Variants in CTNNA2 observed in about 807,000 individuals in gnomAD.
The protein encoded by CTNNA2 is catenin alpha-2.
In CTNNA2, 42 loss-of-function variants were observed where a neutral mutation model predicts 101.0. The ratio of observed to expected loss-of-function variants is 0.42; its 90% CI spans 0.32 to 0.54. The LOEUF (loss-of-function observed/expected upper bound fraction) is 0.54. Ranked by LOEUF, CTNNA2 falls within the 20% of genes least tolerant of loss-of-function variation. The pLI, the probability that CTNNA2 is intolerant of heterozygous loss-of-function variation, is 0.14. For missense variants in CTNNA2, 871 were observed against 1,223.1 expected, an observed-to-expected ratio of 0.71 and a Z score of 4.29; for synonymous variants, 450 against 456.4, an observed-to-expected ratio of 0.99 and a Z score of 0.18.
intron 3 of CTNNA2, among the ~76,000 whole-genome samples, chr2:79,745,396 A>T (rs1671573648): frequency 6.6e-6 from 1 of 151,914 alleles, no homozygotes; most frequent in Non-Finnish European, 1.5e-5. Flanking sequence ...GCGCCGCTGC[A>T]CTCCAGCCTG....
intron 7 of CTNNA2, among the ~76,000 whole-genome samples, chr2:80,146,501 T>C (rs757262885): frequency 6.6e-6 from 1 of 152,040 alleles, no homozygotes; most frequent in Non-Finnish European, 1.5e-5. Flanking sequence ...TCCATCCATT[T>C]TTTTCTCTAT....
chr2:80,564,958 G>A (rs1693924241), intron 12 of CTNNA2, among the ~76,000 whole-genome samples: 1 of 152,110 alleles, frequency 6.6e-6, no homozygotes, highest in African/African-American at 2.4e-5. Context: ...AGTATGTAAG[G>A]TTTATTTCTA....
Position 80,545,075 on chromosome 2 carries a change from G to A in CTNNA2, c.1383+1G>A. The A allele has an allele frequency of 6.2e-7, 1 of 1,613,710 alleles. No individual in the cohort carries two copies. The highest frequency in any genetic ancestry group is 2.2e-5 in the East Asian group (1 of 44,850). On this transcript the variant is annotated splice_donor_variant, in intron 10 of 18. Coordinates refer to ENST00000402739, the MANE Select transcript of CTNNA2 (RefSeq NM_001282597.3). LOFTEE classifies it high-confidence loss of function. ...CCAGATTGACAGCCTGTGTCCCCAGGTAAGCCTCATTCACTTTGTTTCAAA... is the reference window on the plus strand; with the variant it reads ...CCAGATTGACAGCCTGTGTCCCCAGATAAGCCTCATTCACTTTGTTTCAAA...
chr2:80,130,769 C>G (rs745701921), intron 7 of CTNNA2, among the ~76,000 whole-genome samples: 1 of 146,856 alleles, frequency 6.8e-6, no homozygotes, highest in Non-Finnish European at 1.5e-5. Context: ...TTTTAATTTT[C>G]TGATATAAAG....
chr2:80,184,201 G>A lies in CTNNA2; in HGVS notation c.1057-209010G>A, dbSNP rs1004143620. Reference sequence around the variant, plus strand: ...GTTCTTCAGTGTGATACATTTGAAGGAGACAATGCTCATTTGTATTTGTAC... The same window carrying A: ...GTTCTTCAGTGTGATACATTTGAAGAAGACAATGCTCATTTGTATTTGTAC... On this transcript the variant is annotated intron_variant, in intron 7 of 18. Coordinates refer to ENST00000402739, the MANE Select transcript of CTNNA2 (RefSeq NM_001282597.3). Among the ~76,000 whole-genome samples the A allele has an allele frequency of 1.7e-4, 26 of 152,132 alleles. No individual in the cohort carries two copies. The East Asian group carries it at 1.9e-3, about 11-fold the overall frequency.
chr2:80,501,020 C>G (rs922500639), intron 9 of CTNNA2, among the ~76,000 whole-genome samples: 4 of 152,146 alleles, frequency 2.6e-5, no homozygotes, highest in African/African-American at 9.7e-5. Flanking sequence ...AAGATGAATT[C>G]AAATGTAATG....
chr2:80,350,774 T>C (rs1450043392), intron 7 of CTNNA2, among the ~76,000 whole-genome samples: 1 of 152,178 alleles, frequency 6.6e-6, no homozygotes, highest in Non-Finnish European at 1.5e-5. Flanking sequence ...CCAACAACCA[T>C]GGCTCAATGA....
At chr2:79,588,552 C>G (rs1052956536) in intron 1 of CTNNA2, among the ~76,000 whole-genome samples, 10 of 151,980 alleles carry the variant, frequency 6.6e-5, no homozygotes, top group African/African-American at 2.4e-4. Context: ...ATAATCCATT[C>G]CAGAAATTAA....
At chr2:80,306,734 A>C (rs1677061447) in intron 7 of CTNNA2, among the ~76,000 whole-genome samples, 1 of 151,968 alleles carries the variant, frequency 6.6e-6, no homozygotes, top group South Asian at 2.1e-4. Context: ...GCAGGGTTAA[A>C]CAGCGGCCAG....
At chr2:80,068,970 A>G (rs1698154573) in intron 7 of CTNNA2, among the ~76,000 whole-genome samples, 1 of 152,210 alleles carries the variant, frequency 6.6e-6, no homozygotes, top group African/African-American at 2.4e-5. Context: ...CCAGAGAAAC[A>G]ACCAATAGGA....
intron 2 of CTNNA2, among the ~76,000 whole-genome samples, chr2:79,211,680 G>T (rs1041621193): frequency 2.0e-5 from 3 of 152,166 alleles, no homozygotes; most frequent in African/African-American, 4.8e-5. Flanking sequence ...ATCAGTTAAG[G>T]CAGGAACCAG....
chr2:80,446,914 T>C (rs7561928), intron 9 of CTNNA2, among the ~76,000 whole-genome samples: 35,360 of 151,986 alleles, frequency 0.23, 6,360 homozygotes, highest in African/African-American at 0.5. Context: ...AGGAAAAAGA[T>C]GGATTTTGCT....
At chr2:80,220,751 C>T (rs1472624089) in intron 7 of CTNNA2, among the ~76,000 whole-genome samples, 1 of 152,162 alleles carries the variant, frequency 6.6e-6, no homozygotes, top group East Asian at 1.9e-4. Context: ...TGTACACCCT[C>T]TCATCAGAAG....
At chr2:79,222,818 G>T (rs960878858) in intron 2 of CTNNA2, among the ~76,000 whole-genome samples, 1 of 152,014 alleles carries the variant, frequency 6.6e-6, no homozygotes. Flanking sequence ...AGATCAGAAG[G>T]GTGGAGCTCT....
chr2:80,140,942 C>G (rs1184481479), intron 7 of CTNNA2, among the ~76,000 whole-genome samples: 1 of 152,168 alleles, frequency 6.6e-6, no homozygotes, highest in Non-Finnish European at 1.5e-5. Flanking sequence ...TGGAAGTTAA[C>G]AGTGCACCAG....
chr2:80,406,548 T>A (rs59075352), intron 8 of CTNNA2, among the ~76,000 whole-genome samples: 6,628 of 151,024 alleles, frequency 0.044, 499 homozygotes, highest in African/African-American at 0.15. Flanking sequence ...AGGGGATGGC[T>A]GGGCGTGGTG....
intron 2 of CTNNA2, among the ~76,000 whole-genome samples, chr2:79,301,517 T>C (rs1015150903): frequency 7.2e-5 from 11 of 152,156 alleles, no homozygotes; most frequent in African/African-American, 2.4e-4. Flanking sequence ...GACTACAGGA[T>C]TTTTGGTAAT....
intron 7 of CTNNA2, among the ~76,000 whole-genome samples, chr2:80,122,088 C>G (rs1235854290): frequency 6.6e-6 from 1 of 152,164 alleles, no homozygotes; most frequent in African/African-American, 2.4e-5. Context: ...ACTCAGGACG[C>G]TTGATAAATT....
At chr2:79,220,118 C>T (rs1674322367) in intron 2 of CTNNA2, among the ~76,000 whole-genome samples, 2 of 151,960 alleles carry the variant, frequency 1.3e-5, no homozygotes, top group Non-Finnish European at 2.9e-5. Context: ...TCAGCGCTTC[C>T]CCCAAATCTA....
Sources: allele counts gnomAD v4.1 joint callset (sites outside exome capture counted in the v4.1 genomes callset), GRCh38; gene constraint gnomAD v4.1.1; transcripts MANE v1.5; gene names NCBI Gene and HGNC (gene_info 2026-07-23, HGNC 2026-07-21).